RTN1: variants seen among roughly 807,000 people sequenced by gnomAD.
RTN1 encodes reticulon-1.
RTN1 carries 25 observed loss-of-function variants against 65.5 expected under a neutral mutation model. The observed-to-expected ratio is 0.38, with a 90% CI of 0.28 to 0.53. The LOEUF is 0.53. RTN1 is among the 20% of genes least tolerant of loss of function. The pLI is 0.79. For synonymous variants in RTN1, 471 were observed against 447.6 expected, an observed-to-expected ratio of 1.05 and a Z score of -0.66; for missense variants, 983 against 1,025.4, an observed-to-expected ratio of 0.96 and a Z score of 0.57.
intron 1 of RTN1, among the ~76,000 whole-genome samples, chr14:59,780,328 T>C (rs1189390425): frequency 6.6e-6 from 1 of 152,292 alleles, no homozygotes; most frequent in East Asian, 1.9e-4. Flanking sequence ...TGTGTAAACA[T>C]AGACATAAAA....
At chr14:59,603,163 T>C (rs368075590) in intron 7 of RTN1, 40 bp from the exon 8 acceptor site, 1 of 1,612,014 alleles carries the variant, frequency 6.2e-7, no homozygotes, top group African/African-American at 1.3e-5. Flanking sequence ...TATCCAAAGA[T>C]GATGAGGTCA....
chr14:59,640,827 C>G (rs533473802), intron 3 of RTN1, among the ~76,000 whole-genome samples: 20 of 151,744 alleles, frequency 1.3e-4, no homozygotes, highest in Non-Finnish European at 2.4e-4. Context: ...TTACTTTTTT[C>G]TTTTTATCTA....
chr14:59,668,123 C>G (rs1883420255), intron 3 of RTN1, among the ~76,000 whole-genome samples: 1 of 151,928 alleles, frequency 6.6e-6, no homozygotes, highest in Admixed American at 6.6e-5. Context: ...CATATGGAAC[C>G]AAAAAAGGGC....
chr14:59,720,972 A>T (rs1033140380), intron 3 of RTN1, among the ~76,000 whole-genome samples: 1 of 152,186 alleles, frequency 6.6e-6, no homozygotes, highest in African/African-American at 2.4e-5. Context: ...CAGTCTCATG[A>T]AAGTGAACAC....
chr14:59,605,200 A>G, intron 5 of RTN1, 168 bp downstream of exon 5: 1 of 623,574 alleles, frequency 1.6e-6, no homozygotes, highest in East Asian at 3.1e-5. Flanking sequence ...TCATTGGTAC[A>G]ATGAAGGGAT....
intron 3 of RTN1, among the ~76,000 whole-genome samples, chr14:59,626,690 T>C (rs1217732217): frequency 6.6e-6 from 1 of 152,208 alleles, no homozygotes; most frequent in Non-Finnish European, 1.5e-5. Flanking sequence ...TGGGGCAAAC[T>C]GCTGCCCCTC....
rs544542277 is a variant in RTN1, at chr14:59,759,129, G to GA, written c.242-12649dup. On this transcript the variant is annotated intron_variant, in intron 1 of 8. Coordinates refer to ENST00000267484, the MANE Select transcript of RTN1 (RefSeq NM_021136.3). ...TTTTTGGTCAGGCATGGCATTGTCA[G>GA]AAAAAAACAAAGAAGAAGGATTGGA... 2.6e-5 allele frequency among the ~76,000 whole-genome samples: 4 copies of GA among 152,158 alleles called. No homozygotes were observed. The East Asian group carries it at 5.8e-4, about 22-fold the overall frequency.
intron 1 of RTN1, among the ~76,000 whole-genome samples, chr14:59,808,678 G>A (rs1018934315): frequency 6.6e-6 from 1 of 152,138 alleles, no homozygotes; most frequent in South Asian, 2.1e-4. Context: ...GTTGGCAGTG[G>A]GGCTTGGTGG....
Position 59,816,232 on chromosome 14 carries a change from CAG to C in RTN1, c.241+54156_241+54157del, listed in dbSNP as rs1209390448. Among the ~76,000 whole-genome samples the C allele has an allele frequency of 2.6e-5, 4 of 151,470 alleles. No homozygotes were observed. Among genetic ancestry groups the C allele is most frequent in the African/African-American group, 9.8e-5 (4 of 40,820 alleles). On this transcript the variant is annotated intron_variant, in intron 1 of 8. Coordinates refer to ENST00000267484, the MANE Select transcript of RTN1 (RefSeq NM_021136.3). The surrounding 1 kb of genome is among the most constrained non-coding windows in gnomAD (Gnocchi z 4.3). ...ACAAGCTTGCGTGCGTGCACACACA[CAG>C]ACACACACACACACTAGTTACTCAG... is the stretch of plus-strand genomic sequence containing the variant.
intron 3 of RTN1, among the ~76,000 whole-genome samples, chr14:59,707,050 C>T (rs1177720514): frequency 6.6e-6 from 1 of 152,162 alleles, no homozygotes. Flanking sequence ...TAACCATGTG[C>T]TGAACTGAAG....
At chr14:59,749,082 C>T (rs567662108) in intron 1 of RTN1, among the ~76,000 whole-genome samples, 22 of 137,630 alleles carry the variant, frequency 1.6e-4, no homozygotes, top group Admixed American at 2.3e-4. Flanking sequence ...GCCACCACGC[C>T]GGGGCATCTA....
intron 3 of RTN1, among the ~76,000 whole-genome samples, chr14:59,681,055 T>A (rs1196505072): frequency 6.6e-6 from 1 of 152,116 alleles, no homozygotes; most frequent in Non-Finnish European, 1.5e-5. Flanking sequence ...TTTTATAAGT[T>A]TCTATATTAA....
At chr14:59,604,124 GTTATAAGGTT>G (rs1881669450) in intron 5 of RTN1, 1 of 369,018 alleles carries the variant, frequency 2.7e-6, no homozygotes, top group African/African-American at 2.0e-5. Context: ...GGATCACTTT[GTTATAAGGTT>G]TGAGGGACTC....
intron 1 of RTN1, among the ~76,000 whole-genome samples, chr14:59,750,064 A>G (rs1197087632): frequency 5.9e-4 from 22 of 37,060 alleles, no homozygotes; most frequent in African/African-American, 2.8e-3. Context: ...ATATACATAT[A>G]TTATATATTA....
At chr14:59,697,399 A>G (rs931723486) in intron 3 of RTN1, among the ~76,000 whole-genome samples, 2 of 152,190 alleles carry the variant, frequency 1.3e-5, no homozygotes, top group South Asian at 2.1e-4. Context: ...ACAGTCCATT[A>G]TAAAGTAAAT....
chr14:59,659,236 T>C (rs955843544), intron 3 of RTN1, among the ~76,000 whole-genome samples: 1 of 151,478 alleles, frequency 6.6e-6, no homozygotes, highest in Non-Finnish European at 1.5e-5. Flanking sequence ...AATATGGGAC[T>C]ATGTGAAAAC....
intron 1 of RTN1, among the ~76,000 whole-genome samples, chr14:59,773,825 G>C (rs1257316006): frequency 6.6e-6 from 1 of 151,902 alleles, no homozygotes; most frequent in Non-Finnish European, 1.5e-5. Flanking sequence ...TCCTAAACAA[G>C]AGAAGATGAA....
chr14:59,602,869 T>C (rs1881622314), intron 8 of RTN1, among the ~76,000 whole-genome samples, 196 bp downstream of exon 8: 1 of 152,166 alleles, frequency 6.6e-6, no homozygotes, highest in South Asian at 2.1e-4. Context: ...TGGGTTTAAT[T>C]TAATTGAGAG....
At chr14:59,750,324 TATATA>T (rs1205612409) in intron 1 of RTN1, among the ~76,000 whole-genome samples, 1 of 20,492 alleles carries the variant, frequency 4.9e-5, no homozygotes, top group African/African-American at 1.9e-4. Context: ...ATATCTATAA[TATATA>T]ATATATTATA....
Sources: allele counts gnomAD v4.1 joint callset (sites outside exome capture counted in the v4.1 genomes callset), GRCh38; gene constraint gnomAD v4.1.1; non-coding constraint Gnocchi (gnomAD v3.1); transcripts MANE v1.5; gene names NCBI Gene and HGNC (gene_info 2026-07-23, HGNC 2026-07-21).